FOXP2: variants seen among roughly 807,000 people sequenced by gnomAD.
FOXP2 encodes the protein forkhead box protein P2.
In FOXP2, 12 loss-of-function variants were observed where a neutral mutation model predicts 115.8. The ratio of observed to expected loss-of-function variants is 0.10; its 90% CI spans 0.07 to 0.17. FOXP2 has a LOEUF of 0.17. Ranked by LOEUF, FOXP2 falls within the 10% of genes least tolerant of loss-of-function variation. The probability of loss-of-function intolerance (pLI) is 1.00; values close to 1 mark genes in which losing one functional copy is unlikely to be tolerated. For synonymous variants in FOXP2, 328 were observed against 297.7 expected, an observed-to-expected ratio of 1.10 and a Z score of -1.05; for missense variants, 629 against 843.5, an observed-to-expected ratio of 0.75 and a Z score of 3.15.
chr7:114,629,460 A>C, intron 4 of FOXP2: 1 of 776,044 alleles, frequency 1.3e-6, no homozygotes, highest in East Asian at 2.7e-5. Context: ...TATGTAGCTA[A>C]ATTTTTATTC....
At chr7:114,502,340 T>A (rs1483791163) in intron 2 of FOXP2, among the ~76,000 whole-genome samples, 2 of 152,112 alleles carry the variant, frequency 1.3e-5, no homozygotes, top group Non-Finnish European at 2.9e-5. Flanking sequence ...TAGGATGGAA[T>A]GTTTTTAGTT....
intron 3 of FOXP2, among the ~76,000 whole-genome samples, chr7:114,612,373 A>G (rs931781178): frequency 6.6e-6 from 1 of 151,974 alleles, no homozygotes; most frequent in Non-Finnish European, 1.5e-5. Flanking sequence ...TATATATACT[A>G]TATACACACA....
chr7:114,113,509 G>A (rs1562968223), intron 1 of FOXP2, among the ~76,000 whole-genome samples: 1 of 152,110 alleles, frequency 6.6e-6, no homozygotes, highest in Non-Finnish European at 1.5e-5. Context: ...AGCCTCCTGA[G>A]TAGATGGGAC....
chr7:114,247,512 G>A (rs1012661054), intron 1 of FOXP2, among the ~76,000 whole-genome samples: 3 of 151,746 alleles, frequency 2.0e-5, no homozygotes, highest in Admixed American at 6.6e-5. Context: ...TATGTCCCTT[G>A]TGTTACTCCT....
intron 1 of FOXP2, among the ~76,000 whole-genome samples, chr7:114,280,735 A>G (rs796482866): frequency 5.9e-5 from 9 of 152,258 alleles, no homozygotes; most frequent in African/African-American, 1.7e-4. Flanking sequence ...TATTCTTTTG[A>G]TTACCTCATG....
chr7:114,437,422 T>C (rs1794405023), intron 2 of FOXP2, among the ~76,000 whole-genome samples: 1 of 152,166 alleles, frequency 6.6e-6, no homozygotes, highest in South Asian at 2.1e-4. Flanking sequence ...AGTTTGCTAT[T>C]ATCATGGAAA....
intron 2 of FOXP2, among the ~76,000 whole-genome samples, chr7:114,453,943 A>G (rs1795176378): frequency 2.0e-5 from 3 of 152,132 alleles, no homozygotes; most frequent in South Asian, 2.1e-4. Context: ...ATTACCATTC[A>G]GGACATAGGC....
At chr7:114,151,401 A>G (rs1792524369) in intron 1 of FOXP2, among the ~76,000 whole-genome samples, 1 of 152,066 alleles carries the variant, frequency 6.6e-6, no homozygotes, top group Admixed American at 6.6e-5. Context: ...AAAAATGACT[A>G]TTTTTGTGAA....
chr7:114,522,591 A>G (rs1363789654), intron 2 of FOXP2, among the ~76,000 whole-genome samples: 1 of 152,216 alleles, frequency 6.6e-6, no homozygotes, highest in African/African-American at 2.4e-5. Flanking sequence ...AATCAGAAAT[A>G]TGTTTTAACT....
At chr7:114,227,129 T>C (rs1355967739) in intron 1 of FOXP2, among the ~76,000 whole-genome samples, 1 of 152,144 alleles carries the variant, frequency 6.6e-6, no homozygotes, top group Non-Finnish European at 1.5e-5. Context: ...TTAATTGTAA[T>C]CTTTCATGAA....
chr7:114,189,918 A>G (rs149925518), intron 1 of FOXP2, among the ~76,000 whole-genome samples: 1 of 152,222 alleles, frequency 6.6e-6, no homozygotes, highest in African/African-American at 2.4e-5. Flanking sequence ...AGAGTATTTC[A>G]TGCAAATGAG....
intron 1 of FOXP2, among the ~76,000 whole-genome samples, chr7:114,214,602 G>A (rs917728125): frequency 6.6e-6 from 1 of 152,070 alleles, no homozygotes; most frequent in African/African-American, 2.4e-5. Context: ...ATCAAGACAC[G>A]GTATAGGCTG....
intron 2 of FOXP2, among the ~76,000 whole-genome samples, chr7:114,333,614 A>G (rs1215281669): frequency 6.6e-6 from 1 of 152,184 alleles, no homozygotes; most frequent in Non-Finnish European, 1.5e-5. Flanking sequence ...TTAGTCAGTC[A>G]TGGTGGCACA....
chr7:114,393,247 C>T (rs1430731864), intron 2 of FOXP2, among the ~76,000 whole-genome samples: 1 of 151,936 alleles, frequency 6.6e-6, no homozygotes, highest in Non-Finnish European at 1.5e-5. Flanking sequence ...CTTAAAATAA[C>T]AACGACTCCT....
chr7:114,321,626 T>C (rs1453379710), intron 2 of FOXP2, among the ~76,000 whole-genome samples: 1 of 152,210 alleles, frequency 6.6e-6, no homozygotes, highest in Non-Finnish European at 1.5e-5. Flanking sequence ...TACTTCCTTT[T>C]GTAGCAAACG....
intron 6 of FOXP2, among the ~76,000 whole-genome samples, chr7:114,641,826 G>C (rs561676555): frequency 6.7e-6 from 1 of 150,038 alleles, no homozygotes; most frequent in Non-Finnish European, 1.5e-5. Flanking sequence ...GTTTTTGTTT[G>C]AGAGAGGGTC....
At chr7:114,507,162 C>T (rs10279936) in intron 2 of FOXP2, among the ~76,000 whole-genome samples, 4 of 151,320 alleles carry the variant, frequency 2.6e-5, no homozygotes, top group Admixed American at 6.6e-5. Context: ...CCTACCCCCC[C>T]CAAATAAACC....
At chr7:114,352,531 A>G (rs1160637886) in intron 2 of FOXP2, among the ~76,000 whole-genome samples, 2 of 152,182 alleles carry the variant, frequency 1.3e-5, no homozygotes, top group Non-Finnish European at 2.9e-5. Flanking sequence ...AAACTAACAG[A>G]CTAAGTAGCT....
At chr7:114,208,725 GTC>G (rs1794265067) in intron 1 of FOXP2, among the ~76,000 whole-genome samples, 1 of 152,052 alleles carries the variant, frequency 6.6e-6, no homozygotes, top group Non-Finnish European at 1.5e-5. Context: ...TAGTGAATAA[GTC>G]TCATGAGATC....
Sources: allele counts gnomAD v4.1 joint callset (sites outside exome capture counted in the v4.1 genomes callset), GRCh38; gene constraint gnomAD v4.1.1; transcripts MANE v1.5; gene names NCBI Gene and HGNC (gene_info 2026-07-23, HGNC 2026-07-21).